The following FRMPD1 variants were observed in gnomAD, a reference collection of about 807,000 sequenced individuals.
FRMPD1 encodes FERM and PDZ domain containing 1.
In FRMPD1, 76 loss-of-function variants were observed where a neutral mutation model predicts 117.8. The ratio of observed to expected loss-of-function variants is 0.65; its 90% confidence interval spans 0.54 to 0.78. FRMPD1 has a LOEUF of 0.78. Among genes scored for constraint, FRMPD1 ranks in the 30% least tolerant of loss-of-function variants. The pLI is 0.00. For missense variants in FRMPD1, 1,786 were observed against 1,964.5 expected (o/e 0.91, Z 1.72); for synonymous variants, 783 against 770.4 (o/e 1.02, Z -0.27).
At chr9:37,700,947 T>A (rs1292796105) in intron 2 of FRMPD1, among the ~76,000 whole-genome samples, 1 of 152,186 alleles carries the variant, frequency 6.6e-6, no homozygotes, top group Non-Finnish European at 1.5e-5. Context: ...GTTACAGAGA[T>A]CATTTCCTTT....
intron 2 of FRMPD1, among the ~76,000 whole-genome samples, chr9:37,705,550 G>A (rs1822673329): frequency 6.6e-6 from 1 of 152,180 alleles, no homozygotes. Flanking sequence ...GCTAGCCTCA[G>A]CTTCCCTAAG....
upstream of FRMPD1, among the ~76,000 whole-genome samples, chr9:37,647,216 G>A (rs1005847781): frequency 2.0e-5 from 3 of 152,176 alleles, no homozygotes; most frequent in Middle Eastern, 3.4e-3. Context: ...AACAGAGATT[G>A]AAAGTAATCT....
chr9:37,639,123 A>G, the FRMPD1 span, among the ~76,000 whole-genome samples: 1 of 152,254 alleles, frequency 6.6e-6, no homozygotes, highest in Non-Finnish European at 1.5e-5. Flanking sequence ...TAATTTTAAA[A>G]TAACCACGGT....
In FRMPD1 at chr9:37,746,290, G is replaced by T; in HGVS notation, c.4258G>T (p.Glu1420Ter). The T allele has an allele frequency of 6.2e-7, 1 of 1,612,772 alleles. No individual in the cohort carries two copies. Among genetic ancestry groups the T allele is most frequent in the Non-Finnish European group, 8.5e-7 (1 of 1,179,800 alleles). ...QLKATPASTPEGFIQLMESLL... is the reference protein window; with the variant it reads ...QLKATPASTP ...GAAAGCCACCCCTGCCAGCACCCCT[G>T]AGGGCTTCATCCAACTCATGGAGAG... Residue 1420 changes from glutamate to a stop codon, truncating the protein, a stop_gained, in exon 16 of 16, where the codon GAG becomes TAG. Coordinates refer to ENST00000377765, the MANE Select transcript of FRMPD1 (RefSeq NM_014907.3). LOFTEE classifies it high-confidence loss of function.
the FRMPD1 span, among the ~76,000 whole-genome samples, chr9:37,617,266 C>A: frequency 6.6e-6 from 1 of 152,218 alleles, no homozygotes; most frequent in African/African-American, 2.4e-5. Context: ...TGAGATGTTA[C>A]AATTCAGGCC....
At chr9:37,639,525 C>T in the FRMPD1 span, among the ~76,000 whole-genome samples, 3 of 152,216 alleles carry the variant, frequency 2.0e-5, no homozygotes, top group African/African-American at 7.2e-5. Context: ...TATTTGAAGA[C>T]ATACATTATG....
chr9:37,689,050 C>T (rs1822046364), intron 1 of FRMPD1, among the ~76,000 whole-genome samples: 1 of 152,074 alleles, frequency 6.6e-6, no homozygotes, highest in African/African-American at 2.4e-5. Flanking sequence ...AATTTCTCTT[C>T]TTAGAAGCTC....
intron 1 of FRMPD1, among the ~76,000 whole-genome samples, chr9:37,678,597 T>G (rs570315901): frequency 1.3e-5 from 2 of 152,166 alleles, no homozygotes; most frequent in Admixed American, 1.3e-4. Context: ...TTTCCTTTTT[T>G]GTTCATTGTT....
At chr9:37,714,073 G>A (rs1200492493) in intron 5 of FRMPD1, among the ~76,000 whole-genome samples, 2 of 152,184 alleles carry the variant, frequency 1.3e-5, no homozygotes, top group African/African-American at 2.4e-5. Flanking sequence ...GAAGATGTTT[G>A]CCATAAATAT....
At chr9:37,742,379 C>T (rs60385155) in intron 15 of FRMPD1, among the ~76,000 whole-genome samples, 1,851 of 152,300 alleles carry the variant, frequency 0.012, 47 homozygotes, top group African/African-American at 0.041. Flanking sequence ...GGGTTCATAC[C>T]AGACACTGTT....
chr9:37,685,377 C>G (rs188099763), intron 1 of FRMPD1, among the ~76,000 whole-genome samples: 14 of 152,196 alleles, frequency 9.2e-5, no homozygotes, highest in Admixed American at 4.6e-4. Context: ...GGCGCAGTGG[C>G]TCACGCCTGT....
chr9:37,647,886 T>C (rs1824171631), upstream of FRMPD1, among the ~76,000 whole-genome samples: 1 of 152,206 alleles, frequency 6.6e-6, no homozygotes, highest in East Asian at 1.9e-4. Flanking sequence ...AATAATAGCT[T>C]ATGTAAAGTA....
At position 37,745,022 on chromosome 9, in the gene FRMPD1, A is replaced by G. The variant is rs1199516158; in HGVS notation, c.2990A>G (p.Asp997Gly). The G allele has an allele frequency of 1.2e-6, 2 of 1,614,196 alleles. No homozygotes were observed. Among genetic ancestry groups the G allele is most frequent in the East Asian group, 2.2e-5 (1 of 44,884 alleles). Residue 997 changes from aspartate (D) to glycine (G), a missense_variant, in exon 16 of 16, where the codon GAT (aspartate) becomes GGT (glycine). Physicochemically the swap from Asp to Gly is moderately conservative, Grantham distance 94. Coordinates refer to ENST00000377765, the MANE Select transcript of FRMPD1 (RefSeq NM_014907.3). ...ATCTTACCTCTATCTCAAGACCTGGATGGGATTGCCCCCAAAGAACCAACC... is the reference window on the plus strand; with the variant it reads ...ATCTTACCTCTATCTCAAGACCTGGGTGGGATTGCCCCCAAAGAACCAACC... ...SQILPLSQDLDGIAPKEPTIE... is the reference protein window; with the variant it reads ...SQILPLSQDLGGIAPKEPTIE...
In FRMPD1 at chr9:37,740,839, T is replaced by A. The variant is rs1478630635; in HGVS notation, c.2311T>A (p.Tyr771Asn). ...AFEDGSSDEE[Y>N]YDAADKLTPP... ...TGAGGATGGCAGCTCAGATGAGGAA[T>A]ACTATGACGCGGCTGATAAGCTCAC... The change falls in exon 15 of 16, where the codon TAC becomes AAC. Residue 771 changes from tyrosine (Y) to asparagine (N), a missense_variant. Coordinates refer to ENST00000377765, the MANE Select transcript of FRMPD1 (RefSeq NM_014907.3). This position sits in a 1 kb window ranked among gnomAD's most constrained non-coding sequence, Gnocchi z 4.2. 6.2e-7 allele frequency: 1 copy of A among 1,613,980 alleles called. No individual in the cohort carries two copies. The highest frequency in any genetic ancestry group is 1.7e-5 in the Admixed American group (1 of 60,004).
chr9:37,622,382 C>G, the FRMPD1 span, among the ~76,000 whole-genome samples: 17,001 of 152,250 alleles, frequency 0.11, 2,726 homozygotes, highest in African/African-American at 0.36. Flanking sequence ...AGATGCTTCT[C>G]CCATCCTTAT....
upstream of FRMPD1, among the ~76,000 whole-genome samples, chr9:37,649,439 G>A (rs1820600520): frequency 6.6e-6 from 1 of 152,178 alleles, no homozygotes; most frequent in Non-Finnish European, 1.5e-5. Flanking sequence ...AAAGCAAAAG[G>A]CTCACTCAGC....
At chr9:37,717,341 A>ATGTGTGTGTGTGTGTGTGTGTGTG (rs59852335) in intron 5 of FRMPD1, among the ~76,000 whole-genome samples, 12 of 120,164 alleles carry the variant, frequency 1.0e-4, no homozygotes, top group African/African-American at 3.1e-4. Context: ...ATGTGTATAT[A>ATGTGTGTGTGTGTGTGTGTGTGTG]TGTGTGTGTG....
At chr9:37,742,947 A>G (rs1386455171) in intron 15 of FRMPD1, among the ~76,000 whole-genome samples, 2 of 152,218 alleles carry the variant, frequency 1.3e-5, no homozygotes, top group African/African-American at 4.8e-5. Flanking sequence ...CCTAGGCCCT[A>G]GCCTCAGAGA....
chr9:37,679,660 T>G (rs1821653009), intron 1 of FRMPD1, among the ~76,000 whole-genome samples: 1 of 152,224 alleles, frequency 6.6e-6, no homozygotes, highest in Non-Finnish European at 1.5e-5. Flanking sequence ...GGAAGCACAG[T>G]ATTTTCAAAT....
Sources: gnomAD v4.1 joint callset for allele counts (sites outside exome capture counted in the v4.1 genomes callset) on GRCh38, gnomAD v4.1.1 for gene constraint, Gnocchi (gnomAD v3.1) non-coding constraint, MANE v1.5 for transcripts, NCBI Gene and HGNC (gene_info 2026-07-23, HGNC 2026-07-21) for gene names.